ITK: variants seen among roughly 807,000 people sequenced by gnomAD.
The protein encoded by ITK is IL2 inducible T cell kinase.
A neutral mutation model predicts 87.6 loss-of-function variants in ITK; 45 were observed. The ratio of observed to expected loss-of-function variants is 0.51; its 90% confidence interval spans 0.40 to 0.66. The LOEUF is 0.66. Among genes scored for constraint, ITK ranks in the 30% least tolerant of loss-of-function variants. ITK has a pLI of 0.00. For synonymous variants in ITK, 303 were observed against 273.6 expected (o/e 1.11, Z -1.06); for missense variants, 605 against 766.3 (o/e 0.79, Z 2.48).
At chr5:157,240,373 A>G in intron 10 of ITK, 178 bp downstream of exon 10, 1 of 656,858 alleles carries the variant, frequency 1.5e-6, no homozygotes, top group Non-Finnish European at 2.7e-6. Flanking sequence ...CCTTATAAGA[A>G]TCAAATGCCT....
intron 4 of ITK, 112 bp from the exon 5 acceptor site, chr5:157,217,755 C>T (rs1265736607): frequency 3.4e-6 from 3 of 881,138 alleles, no homozygotes; most frequent in Non-Finnish European, 3.8e-6. Context: ...CCCCTTTCTT[C>T]TGTTGTTTTC....
chr5:157,246,432 G>A (rs2113776264), intron 15 of ITK, among the ~76,000 whole-genome samples: 1 of 152,236 alleles, frequency 6.6e-6, no homozygotes, highest in South Asian at 2.1e-4. Context: ...TAGGTGCTGA[G>A]GATGCAGTGG....
At chr5:157,235,031 C>T (rs937206747) in intron 8 of ITK, among the ~76,000 whole-genome samples, 1 of 152,106 alleles carries the variant, frequency 6.6e-6, no homozygotes, top group Non-Finnish European at 1.5e-5. Context: ...AGACTATAAA[C>T]AATTTATCTT....
chr5:157,231,481 T>C (rs1361577334), intron 7 of ITK, among the ~76,000 whole-genome samples: 1 of 152,252 alleles, frequency 6.6e-6, no homozygotes, highest in African/African-American at 2.4e-5. Context: ...TGTTCTGTCT[T>C]ATAATGTTCA....
At chr5:157,214,593 A>T (rs149447017) in intron 4 of ITK, among the ~76,000 whole-genome samples, 66 of 152,140 alleles carry the variant, frequency 4.3e-4, no homozygotes, top group African/African-American at 1.5e-3. Flanking sequence ...ATCTGGCCCC[A>T]CTCATGACCT....
intron 1 of ITK, among the ~76,000 whole-genome samples, chr5:157,205,120 A>G (rs1389445270): frequency 6.6e-6 from 1 of 152,138 alleles, no homozygotes; most frequent in African/African-American, 2.4e-5. Flanking sequence ...GATACCCTTT[A>G]TTGAGGGCAT....
intron 15 of ITK, 77 bp from the exon 16 acceptor site, chr5:157,248,773 A>G: frequency 1.3e-6 from 2 of 1,543,604 alleles, no homozygotes; most frequent in Non-Finnish European, 1.8e-6. Context: ...GGAGTCTGTA[A>G]TTTCTAGAGG....
At chr5:157,182,818 A>G (rs895606418) in intron 1 of ITK, among the ~76,000 whole-genome samples, 2 of 152,128 alleles carry the variant, frequency 1.3e-5, no homozygotes, top group African/African-American at 2.4e-5. Context: ...CCTTAGCCCA[A>G]CTGCTATTTG....
At chr5:157,217,654 G>A (rs918006809) in intron 4 of ITK, among the ~76,000 whole-genome samples, 1 of 152,180 alleles carries the variant, frequency 6.6e-6, no homozygotes, top group Non-Finnish European at 1.5e-5. Context: ...TACTAGAAAA[G>A]GGAATCAGAA....
At chr5:157,240,299 T>C in intron 10 of ITK, 104 bp downstream of exon 10, 2 of 1,107,278 alleles carry the variant, frequency 1.8e-6, no homozygotes, top group South Asian at 2.5e-5. Context: ...ATCAGCGTCA[T>C]TAGATTCTCA....
chr5:157,225,848 T>C (rs1387778863), intron 6 of ITK, among the ~76,000 whole-genome samples: 1 of 152,212 alleles, frequency 6.6e-6, no homozygotes, highest in African/African-American at 2.4e-5. Flanking sequence ...ATTAGTTCAA[T>C]CAACTGACTT....
chr5:157,252,016 A>G (rs1387347036), intron 16 of ITK, among the ~76,000 whole-genome samples: 2 of 151,986 alleles, frequency 1.3e-5, no homozygotes, highest in Non-Finnish European at 2.9e-5. Flanking sequence ...GTCAATATCT[A>G]AAAAAAATAA....
At chr5:157,198,473 A>G (rs1753894817) in intron 1 of ITK, among the ~76,000 whole-genome samples, 1 of 152,196 alleles carries the variant, frequency 6.6e-6, no homozygotes, top group Non-Finnish European at 1.5e-5. Flanking sequence ...GAGGTGGAGA[A>G]AGCCAGCCAA....
chr5:157,252,210 T>A, intron 16 of ITK, among the ~76,000 whole-genome samples: 1 of 152,244 alleles, frequency 6.6e-6, no homozygotes, highest in South Asian at 2.1e-4. Flanking sequence ...AGATATTTTC[T>A]GAGATTTATA....
At chr5:157,241,837 G>A (rs2113773362) in intron 11 of ITK, 117 bp downstream of exon 11, 1 of 728,404 alleles carries the variant, frequency 1.4e-6, no homozygotes, top group Non-Finnish European at 2.5e-6. Flanking sequence ...TAAAACAAGT[G>A]TATTATATAT....
Position 157,222,891 on chromosome 5 carries a change from T to C in ITK, c.524T>C (p.Val175Ala). 6.2e-7 allele frequency: 1 copy of C among 1,614,100 alleles called. No homozygotes were observed. Among genetic ancestry groups the C allele is most frequent in the Non-Finnish European group, 8.5e-7 (1 of 1,180,008 alleles). ...RRPLWEPEETVVIALYDYQTN... is the reference protein window; with the variant it reads ...RRPLWEPEETAVIALYDYQTN... ...CCACTTTGGGAACCTGAAGAAACTG[T>C]GGTCATTGCCTTATATGACTACCAA... Residue 175 changes from valine to alanine, a missense_variant, in exon 6 of 17, where the codon GTG (valine) becomes GCG (alanine). Transcript: ENST00000422843.
chr5:157,190,668 G>A (rs163314), intron 1 of ITK, among the ~76,000 whole-genome samples: 26,850 of 152,226 alleles, frequency 0.18, 2,970 homozygotes, highest in African/African-American at 0.31. Flanking sequence ...TGGGAGGTGG[G>A]GTGGTCAGAG....
At chr5:157,221,740 C>T (rs1233046863) in intron 5 of ITK, among the ~76,000 whole-genome samples, 1 of 152,176 alleles carries the variant, frequency 6.6e-6, no homozygotes, top group East Asian at 1.9e-4. Context: ...TTCAAACATC[C>T]TTGAACACTA....
intron 13 of ITK, chr5:157,245,395 C>A: frequency 2.3e-6 from 1 of 437,726 alleles, no homozygotes. Context: ...CTGGGAGATG[C>A]TTTCTTCCTG....
Sources: gnomAD v4.1 joint callset for allele counts (sites outside exome capture counted in the v4.1 genomes callset) on GRCh38, gnomAD v4.1.1 for gene constraint, MANE v1.5 for transcripts, NCBI Gene and HGNC (gene_info 2026-07-23, HGNC 2026-07-21) for gene names.